The following TMEM185B variants were observed in gnomAD, a reference collection of about 807,000 sequenced individuals.
TMEM185B encodes ee3_2.
In TMEM185B, 9 loss-of-function variants were observed where a neutral mutation model predicts 26.2. The ratio of observed to expected loss-of-function variants is 0.34; its 90% CI spans 0.21 to 0.60. The LOEUF is 0.60. Ranked by LOEUF, TMEM185B falls within the 20% of genes least tolerant of loss-of-function variation. The pLI is 0.80. For synonymous variants in TMEM185B, 204 were observed against 191.8 expected (o/e 1.06, Z -0.52); for missense variants, 392 against 447.9 (o/e 0.88, Z 1.13).
Position 120,222,387 on chromosome 2 carries a change from A to G in TMEM185B, c.590T>C (p.Leu197Pro). ...CTCGGCAACCACATCCAGGGACCGC[A>G]GGAACAGGAGGGACCAGACGATGTA... ...LYYIVWSLLF[L>P]RSLDVVAEQR... Residue 197 changes from leucine to proline, a missense_variant, in exon 1 of 1, where the codon CTG becomes CCG. Coordinates refer to ENST00000426077, the MANE Select transcript of TMEM185B (RefSeq NM_024121.3). 1.3e-6 allele frequency: 2 copies of G among 1,536,282 alleles called. No homozygotes were observed. Among genetic ancestry groups the G allele is most frequent in the Non-Finnish European group, 1.7e-6 (2 of 1,146,936 alleles).
rs1688620199 is a variant in TMEM185B at position 120,223,067 on chromosome 2, GC to G, written c.-92del. ...GGCTTCTCCGGCCGCCGCCTCCCGG[GC>G]CCCGCCCAAGCCGGCTCCGCGTGGA... On this transcript the variant is annotated 5_prime_UTR_variant, in exon 1 of 1. Transcript: ENST00000426077. 14 of 1,046,004 alleles carry G rather than the reference GC, an allele frequency of 1.3e-5. No individual in the cohort carries two copies. Among genetic ancestry groups the G allele is most frequent in the Non-Finnish European group, 1.6e-5 (13 of 802,762 alleles). The allele number at this position is 1,046,004 out of a possible 1,614,324, so 64.8% of individuals were successfully genotyped here.
chr2:120,223,022 C>CCGAGCG lies in TMEM185B; in HGVS notation c.-47_-46insCGCTCG. The CCGAGCG allele has an allele frequency of 7.6e-7, 1 of 1,318,368 alleles. No individual in the cohort carries two copies. The highest frequency in any genetic ancestry group is 9.7e-7 in the Non-Finnish European group (1 of 1,029,298). The allele number at this position is 1,318,368 out of a possible 1,614,324, so 81.7% of individuals were successfully genotyped here. The stretch of plus-strand genomic sequence containing the variant: ...TGCCCGGGCCTGCTCCCTCGCGACG[C>CCGAGCG]TCGGCGCTCGCGTCTCCGCGGCTTC... On this transcript the variant is annotated 5_prime_UTR_variant, in exon 1 of 1. Transcript: ENST00000426077.
At position 120,222,317 on chromosome 2, in the gene TMEM185B, A is replaced by G. The variant is rs748824092; in HGVS notation, c.660T>C (p.Ile220=). ...HVTMAISWIT[I]VVPLLTFEVL... ...CCTCAAAAGTGAGCAGAGGCACGACAATCGTTATCCAACTGATAGCCATGG... is the reference window on the plus strand; with the variant it reads ...CCTCAAAAGTGAGCAGAGGCACGACGATCGTTATCCAACTGATAGCCATGG... Residue 220 remains isoleucine, a synonymous_variant, in exon 1 of 1, where the codon ATT becomes ATC. Transcript: ENST00000426077. The G allele has an allele frequency of 1.8e-5, 28 of 1,536,078 alleles. No individual in the cohort carries two copies. Among genetic ancestry groups the G allele is most frequent in the Admixed American group, 7.8e-5 (4 of 50,980 alleles).
Position 120,220,955 on chromosome 2 carries a change from T to TA in TMEM185B, c.*968_*969insT, listed in dbSNP as rs1688576957. ...CTTCACACTACAGCCAACTAATAGTTTAAGATTCTTAGAAATGGACAAACC... is the reference window on the plus strand; with the variant it reads ...CTTCACACTACAGCCAACTAATAGTTATAAGATTCTTAGAAATGGACAAACC... On this transcript the variant is annotated 3_prime_UTR_variant, in exon 1 of 1. Transcript: ENST00000426077. Among the ~76,000 whole-genome samples the TA allele has an allele frequency of 6.6e-6, 1 of 152,152 alleles. No individual in the cohort carries two copies. The highest frequency in any genetic ancestry group is 2.1e-4 in the South Asian group (1 of 4,824).
Position 120,222,958 on chromosome 2 carries a change from A to G in TMEM185B, c.19T>C (p.Phe7Leu). MNPRGL[F>L]QDFNPSKFLI... ...AACTTACTGGGGTTGAAGTCCTGGA[A>G]CAGGCCCCTGGGGTTCATGGCGGAG... Residue 7 changes from phenylalanine to leucine, a missense_variant, in exon 1 of 1, where the codon TTC (phenylalanine) becomes CTC (leucine). Transcript: ENST00000426077. 1 of 1,441,204 alleles carries G rather than the reference A, an allele frequency of 6.9e-7. No individual in the cohort carries two copies. Among genetic ancestry groups the G allele is most frequent in the Non-Finnish European group, 9.1e-7 (1 of 1,103,026 alleles). 89.3% of individuals were successfully genotyped at this position (1,441,204 alleles called of 1,614,324 possible).
In TMEM185B at chr2:120,222,209, A is replaced by G. The variant is rs1223087948; in HGVS notation, c.768T>C (p.Thr256=). 3.2e-6 allele frequency: 5 copies of G among 1,540,058 alleles called. No homozygotes were observed. The highest frequency in any genetic ancestry group is 4.4e-6 in the Non-Finnish European group (5 of 1,147,738). The part of the protein sequence containing the change: ...IFVPLWLSLL[T]LMATTFRRKG... ...TTCGCCTAAATGTTGTGGCCATTAA[A>G]GTTAGTAAGGAAAGCCAAAGGGGGA... Residue 256 remains threonine (T), a synonymous_variant, in exon 1 of 1, where the codon ACT becomes ACC. Transcript: ENST00000426077.
Position 120,222,651 on chromosome 2 carries a change from G to A in TMEM185B, c.326C>T (p.Thr109Ile). The A allele has an allele frequency of 2.6e-6, 4 of 1,536,472 alleles. No homozygotes were observed. The highest frequency in any genetic ancestry group is 3.5e-6 in the Non-Finnish European group (4 of 1,146,964). ...CATGAAGACCAGCAGCCAGAAGTGG[G>A]TGCCCCTCTCCACCCTGTCGCAGAC... Reference protein sequence around the residue: ...VLVCDRVERGTHFWLLVFMPL... With the variant: ...VLVCDRVERGIHFWLLVFMPL... The change falls in exon 1 of 1, where the codon ACC becomes ATC. Residue 109 changes from threonine (T) to isoleucine (I), a missense_variant. Physicochemically the swap from Thr to Ile is moderately conservative, Grantham distance 89. Transcript: ENST00000426077.
rs1040222961 is a variant in TMEM185B, at chr2:120,221,119, G to C, written c.*805C>G. 3.3e-5 allele frequency among the ~76,000 whole-genome samples: 5 copies of C among 152,154 alleles called. No individual in the cohort carries two copies. Among genetic ancestry groups the C allele is most frequent in the African/African-American group, 9.7e-5 (4 of 41,416 alleles). On this transcript the variant is annotated 3_prime_UTR_variant, in exon 1 of 1. Coordinates refer to ENST00000426077, the MANE Select transcript of TMEM185B (RefSeq NM_024121.3). ...GGCAGTGGCCTCTTCCTCTACTAAC[G>C]GGTACTACCAGAGACCTTGGTTACT... is the stretch of plus-strand genomic sequence containing the variant.
chr2:120,222,330 C>A lies in TMEM185B; in HGVS notation c.647G>T (p.Ser216Ile). 6.5e-7 allele frequency: 1 copy of A among 1,536,188 alleles called. No individual in the cohort carries two copies. The highest frequency in any genetic ancestry group is 8.7e-7 in the Non-Finnish European group (1 of 1,146,920). Residue 216 changes from serine to isoleucine, a missense_variant, in exon 1 of 1, where the codon AGT becomes ATT. Coordinates refer to ENST00000426077, the MANE Select transcript of TMEM185B (RefSeq NM_024121.3). Reference protein sequence around the residue: ...QRRTHVTMAISWITIVVPLLT... With the variant: ...QRRTHVTMAIIWITIVVPLLT... ...CAGAGGCACGACAATCGTTATCCAACTGATAGCCATGGTCACGTGTGTTCT... is the reference window on the plus strand; with the variant it reads ...CAGAGGCACGACAATCGTTATCCAAATGATAGCCATGGTCACGTGTGTTCT...
At position 120,222,560 on chromosome 2, in the gene TMEM185B, C is replaced by T. The variant is rs1688606447; in HGVS notation, c.417G>A (p.Ser139=). The change falls in exon 1 of 1, where the codon TCG becomes TCA. Residue 139 remains serine (S), a synonymous_variant. Transcript: ENST00000426077. The part of the protein sequence containing the change: ...ACVWGFRHDR[S]LELEILCSVN... ...CCGAGCACAGGATCTCCAGCTCCAG[C>T]GACCTATCGTGTCGAAAGCCCCAGA... The T allele has an allele frequency of 3.9e-6, 6 of 1,536,430 alleles. No homozygotes were observed. The highest frequency in any genetic ancestry group is 5.2e-6 in the Non-Finnish European group (6 of 1,146,994).
In TMEM185B at chr2:120,218,620, AG is replaced by A. The variant is rs1361441157; in HGVS notation, c.*3303del. On this transcript the variant is annotated 3_prime_UTR_variant, in exon 1 of 1. Transcript: ENST00000426077. The stretch of plus-strand genomic sequence containing the variant: ...CAAAGCGCCTTGCATAGCCCTCCGG[AG>A]AAACTTTGGATTCCAGCACTTTCCT... Among the ~76,000 whole-genome samples the A allele has an allele frequency of 3.9e-5, 6 of 152,276 alleles. No individual in the cohort carries two copies. Among genetic ancestry groups the A allele is most frequent in the African/African-American group, 1.4e-4 (6 of 41,556 alleles).
chr2:120,222,779 G>A lies in TMEM185B; in HGVS notation c.198C>T (p.Ala66=), dbSNP rs558215203. The part of the protein sequence containing the change: ...AGASVGAGVW[A]RNPRYRTEGE... ...CCTCGGTGCGGTAGCGAGGGTTGCG[G>A]GCCCAAACGCCCGCGCCCACGGAGG... Residue 66 remains alanine (A), a synonymous_variant, in exon 1 of 1, where the codon GCC becomes GCT. Coordinates refer to ENST00000426077, the MANE Select transcript of TMEM185B (RefSeq NM_024121.3). 3.7e-5 allele frequency: 57 copies of A among 1,534,970 alleles called. No homozygotes were observed. The African/African-American group carries it at 7.4e-4, about 20-fold the overall frequency.
rs769241337 is a variant in TMEM185B at position 120,223,122 on chromosome 2, C to T, written c.-146G>A. The T allele has an allele frequency of 7.2e-5, 40 of 551,860 alleles. No individual in the cohort carries two copies. The highest frequency in any genetic ancestry group is 9.9e-5 in the Non-Finnish European group (36 of 365,422). The allele number at this position is 551,860 out of a possible 1,614,324, so 34.2% of individuals were successfully genotyped here. On this transcript the variant is annotated 5_prime_UTR_variant, in exon 1 of 1. Transcript: ENST00000426077. Reference sequence around the variant, plus strand: ...ATGCCGGGACGACCAGGAGGAGGTTCGGAGCGGCGAAGCGGAGAGGCCGGA... The same window carrying T: ...ATGCCGGGACGACCAGGAGGAGGTTTGGAGCGGCGAAGCGGAGAGGCCGGA...
rs1159078547 is a variant in TMEM185B at position 120,222,568 on chromosome 2, C to A, written c.409G>T (p.Asp137Tyr). The A allele has an allele frequency of 6.5e-7, 1 of 1,536,472 alleles. No homozygotes were observed. Among genetic ancestry groups the A allele is most frequent in the Admixed American group, 2.0e-5 (1 of 51,012 alleles). The change falls in exon 1 of 1, where the codon GAT (aspartate) becomes TAT (tyrosine). Residue 137 changes from aspartate (D) to tyrosine (Y), a missense_variant. Around this residue, in one of 3 missense-constraint regions of TMEM185B, gnomAD observed 41 missense variants for 77.3 expected, o/e 0.53. Transcript: ENST00000426077. Reference protein sequence around the residue: ...VAACVWGFRHDRSLELEILCS... With the variant: ...VAACVWGFRHYRSLELEILCS... ...AGGATCTCCAGCTCCAGCGACCTAT[C>A]GTGTCGAAAGCCCCAGACGCAGGCA...
Position 120,219,038 on chromosome 2 carries a change from C to T in TMEM185B, c.*2886G>A, listed in dbSNP as rs375444779. 5.3e-5 allele frequency among the ~76,000 whole-genome samples: 8 copies of T among 152,194 alleles called. No homozygotes were observed. The highest frequency in any genetic ancestry group is 1.9e-4 in the East Asian group (1 of 5,188). ...TGTGCTTCTGCCATGAGAAAGAACA[C>T]GGCCCAAGGTAAGCTGCTGCTTCAA... is the stretch of plus-strand genomic sequence containing the variant. On this transcript the variant is annotated 3_prime_UTR_variant, in exon 1 of 1. Coordinates refer to ENST00000426077, the MANE Select transcript of TMEM185B (RefSeq NM_024121.3).
Position 120,219,082 on chromosome 2 carries a change from G to C in TMEM185B, c.*2842C>G, listed in dbSNP as rs1688544348. Among the ~76,000 whole-genome samples the C allele has an allele frequency of 6.6e-6, 1 of 152,166 alleles. No homozygotes were observed. Among genetic ancestry groups the C allele is most frequent in the Non-Finnish European group, 1.5e-5 (1 of 68,032 alleles). ...GCTTCAACCAGGGACCCAGAATACG[G>C]GACATGTTGTGGAGCAGACGTGATC... On this transcript the variant is annotated 3_prime_UTR_variant, in exon 1 of 1. Transcript: ENST00000426077.
Position 120,219,795 on chromosome 2 carries a change from C to T in TMEM185B, c.*2129G>A, listed in dbSNP as rs939406566. On this transcript the variant is annotated 3_prime_UTR_variant, in exon 1 of 1. Transcript: ENST00000426077. ...GCAAAAGCTGCACTGGGCTCTTTCC[C>T]TTTGTGGGTGCAGCTCACACTTCTC... Among the ~76,000 whole-genome samples, 6 of 152,224 alleles carry T rather than the reference C, an allele frequency of 3.9e-5. No homozygotes were observed. The highest frequency in any genetic ancestry group is 8.8e-5 in the Non-Finnish European group (6 of 68,030).
rs1688602994 is a variant in TMEM185B at position 120,222,330 on chromosome 2, CT to C, written c.646del (p.Ser216ValfsTer3). On this transcript the variant is annotated frameshift_variant, in exon 1 of 1. Coordinates refer to ENST00000426077, the MANE Select transcript of TMEM185B (RefSeq NM_024121.3). LOFTEE classifies it high-confidence loss of function. ...CAGAGGCACGACAATCGTTATCCAA[CT>C]GATAGCCATGGTCACGTGTGTTCTC... ...QRRTHVTMAI[S>X]WITIVVPLLT... 6.5e-7 allele frequency: 1 copy of C among 1,536,070 alleles called. No homozygotes were observed. Among genetic ancestry groups the C allele is most frequent in the Non-Finnish European group, 8.7e-7 (1 of 1,146,928 alleles).
In TMEM185B at chr2:120,223,128, G is replaced by C. The variant is rs1226894596; in HGVS notation, c.-152C>G. 1.1e-5 allele frequency: 6 copies of C among 530,072 alleles called. No homozygotes were observed. The highest frequency in any genetic ancestry group is 1.7e-5 in the Non-Finnish European group (6 of 345,896). The allele number at this position is 530,072 out of a possible 1,614,324, so 32.8% of individuals were successfully genotyped here. A position where few individuals can be genotyped will look rare whatever the true frequency, so the allele number is the denominator to read the frequency against. ...GGACGACCAGGAGGAGGTTCGGAGC[G>C]GCGAAGCGGAGAGGCCGGAACACGT... On this transcript the variant is annotated 5_prime_UTR_variant, in exon 1 of 1. Coordinates refer to ENST00000426077, the MANE Select transcript of TMEM185B (RefSeq NM_024121.3).
Sources: gnomAD v4.1 joint callset for allele counts (sites outside exome capture counted in the v4.1 genomes callset) on GRCh38, gnomAD v4.1.1 for gene constraint, gnomAD v4.1.1 regional missense constraint, MANE v1.5 for transcripts, NCBI Gene and HGNC (gene_info 2026-07-23, HGNC 2026-07-21) for gene names.